The following ARHGAP26 variants were observed in gnomAD, a reference collection of about 807,000 sequenced individuals.
ARHGAP26 encodes the protein rho GTPase-activating protein 26.
ARHGAP26 carries 38 observed loss-of-function variants against 104.8 expected under a neutral mutation model. The ratio of observed to expected loss-of-function variants is 0.36; its 90% CI spans 0.28 to 0.48. ARHGAP26 has a LOEUF of 0.48. Among genes scored for constraint, ARHGAP26 ranks in the 20% least tolerant of loss-of-function variants. The probability of loss-of-function intolerance (pLI) is 0.99; values close to 1 mark genes in which losing one functional copy is unlikely to be tolerated. For synonymous variants in ARHGAP26, 341 were observed against 340.0 expected, an observed-to-expected ratio of 1.00 and a Z score of -0.03; for missense variants, 704 against 947.9, an observed-to-expected ratio of 0.74 and a Z score of 3.38.
intron 20 of ARHGAP26, among the ~76,000 whole-genome samples, chr5:143,197,386 T>G (rs1394486158): frequency 2.0e-5 from 3 of 152,198 alleles, no homozygotes; most frequent in Non-Finnish European, 4.4e-5. Flanking sequence ...CTCATAAACC[T>G]CTGGTATTTC....
chr5:142,772,153 TG>T (rs1173405672), intron 1 of ARHGAP26, among the ~76,000 whole-genome samples: 6 of 152,198 alleles, frequency 3.9e-5, no homozygotes, highest in African/African-American at 1.4e-4. Flanking sequence ...GTCAGGTGCC[TG>T]AGATGTCATT....
intron 1 of ARHGAP26, among the ~76,000 whole-genome samples, chr5:142,870,543 T>G (rs1755132399): frequency 6.6e-6 from 1 of 152,182 alleles, no homozygotes; most frequent in Admixed American, 6.5e-5. Context: ...TCCTTTAACT[T>G]CTCCGAGCTC....
intron 20 of ARHGAP26, among the ~76,000 whole-genome samples, chr5:143,185,938 TC>T (rs1805069232): frequency 6.6e-6 from 1 of 152,140 alleles, no homozygotes; most frequent in Non-Finnish European, 1.5e-5. Flanking sequence ...AGGCCTGTCT[TC>T]CTAAAGGAGC....
intron 3 of ARHGAP26, among the ~76,000 whole-genome samples, chr5:142,877,971 CAAATT>C (rs1424437956): frequency 3.9e-5 from 6 of 152,126 alleles, no homozygotes; most frequent in Admixed American, 3.3e-4. Context: ...CAAAATCAAA[CAAATT>C]AACACCGCAA....
chr5:143,119,836 A>G (rs1283398641), intron 17 of ARHGAP26, among the ~76,000 whole-genome samples: 1 of 152,176 alleles, frequency 6.6e-6, no homozygotes, highest in Non-Finnish European at 1.5e-5. Context: ...ATGGTATTTC[A>G]ATAAAGGCTC....
chr5:143,096,182 A>G (rs1406515893), intron 17 of ARHGAP26, among the ~76,000 whole-genome samples: 2 of 152,250 alleles, frequency 1.3e-5, no homozygotes, highest in Non-Finnish European at 2.9e-5. Context: ...TTTAGAAAAT[A>G]TTAGTAAACT....
intron 1 of ARHGAP26, chr5:142,771,241 G>A (rs1435550418): frequency 3.2e-6 from 4 of 1,253,206 alleles, no homozygotes; most frequent in East Asian, 6.3e-5. Flanking sequence ...TGCCGAGCGC[G>A]CCGCAGCCAG....
chr5:142,909,925 A>T (rs1051560767), intron 9 of ARHGAP26, among the ~76,000 whole-genome samples: 1 of 152,194 alleles, frequency 6.6e-6, no homozygotes, highest in Non-Finnish European at 1.5e-5. Flanking sequence ...TCACACTTGA[A>T]AGTGAAGGGT....
At chr5:143,050,302 G>A (rs1343804930) in intron 14 of ARHGAP26, among the ~76,000 whole-genome samples, 2 of 151,536 alleles carry the variant, frequency 1.3e-5, no homozygotes, top group Non-Finnish European at 2.9e-5. Flanking sequence ...TGCAAATTCA[G>A]CATCACTGTT....
At chr5:143,020,227 C>CA (rs1401881221) in intron 12 of ARHGAP26, among the ~76,000 whole-genome samples, 1 of 152,170 alleles carries the variant, frequency 6.6e-6, no homozygotes, top group East Asian at 1.9e-4. Flanking sequence ...GGATTATAGG[C>CA]ATGAGCCACC....
intron 1 of ARHGAP26, among the ~76,000 whole-genome samples, chr5:142,802,361 A>G (rs759269883): frequency 8.5e-5 from 13 of 152,172 alleles, no homozygotes; most frequent in East Asian, 1.9e-4. Context: ...TGCGAAGTCA[A>G]TTTGCTGAGA....
intron 20 of ARHGAP26, among the ~76,000 whole-genome samples, chr5:143,161,869 C>G (rs1801280017): frequency 6.6e-6 from 1 of 152,076 alleles, no homozygotes; most frequent in Admixed American, 6.6e-5. Context: ...ATTGGAAAGC[C>G]CTGTTCAGTC....
intron 5 of ARHGAP26, among the ~76,000 whole-genome samples, chr5:142,886,338 C>G (rs1257135320): frequency 6.6e-6 from 1 of 152,148 alleles, no homozygotes; most frequent in Non-Finnish European, 1.5e-5. Flanking sequence ...GTTGAAGTAA[C>G]TCAGGAGATG....
At position 143,162,314 on chromosome 5, in the gene ARHGAP26, C is replaced by CACACACACAA. The variant is rs1801359535; in HGVS notation, c.1988+14934_1988+14935insCACACACAAA. 4.0e-5 allele frequency among the ~76,000 whole-genome samples: 6 copies of CACACACACAA among 151,578 alleles called. No homozygotes were observed. The South Asian group carries it at 1.0e-3, about 26-fold the overall frequency. On this transcript the variant is annotated intron_variant, in intron 20 of 22. Coordinates refer to ENST00000645722, the MANE Select transcript of ARHGAP26 (RefSeq NM_001135608.3). ...ACACACACACACACACACACACACG[C>CACACACACAA]AATCCCCTTTCCCATTTTTCCCTTG...
intron 11 of ARHGAP26, among the ~76,000 whole-genome samples, chr5:142,950,368 C>A (rs1050133922): frequency 6.6e-6 from 1 of 151,636 alleles, no homozygotes; most frequent in Non-Finnish European, 1.5e-5. Flanking sequence ...TTTGTGACTG[C>A]AACAATTAAC....
chr5:142,796,052 T>TTC (rs1440002848), intron 1 of ARHGAP26, among the ~76,000 whole-genome samples: 1 of 136,366 alleles, frequency 7.3e-6, no homozygotes, highest in African/African-American at 3.0e-5. Flanking sequence ...TAAGGTGTTT[T>TTC]TCTGTGTGTG....
chr5:143,017,256 C>T (rs1403017924), intron 12 of ARHGAP26, among the ~76,000 whole-genome samples: 1 of 152,182 alleles, frequency 6.6e-6, no homozygotes, highest in African/African-American at 2.4e-5. Context: ...GCTTTCATCT[C>T]GAAGTTTCTC....
intron 10 of ARHGAP26, among the ~76,000 whole-genome samples, chr5:142,915,353 CT>C (rs1302839708): frequency 1.8e-3 from 255 of 139,156 alleles, no homozygotes; most frequent in African/African-American, 4.6e-3. Context: ...TGAATCTCCT[CT>C]TTTTTTTTTT....
chr5:142,793,435 C>CT (rs913936332), intron 1 of ARHGAP26, among the ~76,000 whole-genome samples: 1 of 151,738 alleles, frequency 6.6e-6, no homozygotes, highest in African/African-American at 2.4e-5. Context: ...TAATGTCTCT[C>CT]TGAGAGCCCC....
Sources: gnomAD v4.1 joint callset for allele counts (sites outside exome capture counted in the v4.1 genomes callset) on GRCh38, gnomAD v4.1.1 for gene constraint, MANE v1.5 for transcripts, NCBI Gene and HGNC (gene_info 2026-07-23, HGNC 2026-07-21) for gene names.